Variants in LRRC4C observed in about 807,000 individuals in gnomAD.
LRRC4C encodes leucine rich repeat containing 4C, also known as leucine-rich repeat-containing protein 4C.
In LRRC4C, 5 loss-of-function variants were observed where a neutral mutation model predicts 33.6. The observed-to-expected ratio is 0.15, with a 90% CI of 0.08 to 0.31. The LOEUF (loss-of-function observed/expected upper bound fraction) is 0.31, where lower values mean the gene tolerates loss of function less well. Ranked by LOEUF, LRRC4C falls within the 10% of genes least tolerant of loss-of-function variation. The probability of loss-of-function intolerance (pLI) is 1.00; values close to 1 mark genes in which losing one functional copy is unlikely to be tolerated. For missense variants in LRRC4C, 560 were observed against 796.7 expected, an observed-to-expected ratio of 0.70 and a Z score of 3.58; for synonymous variants, 329 against 302.0, an observed-to-expected ratio of 1.09 and a Z score of -0.93.
intron 1 of LRRC4C, among the ~76,000 whole-genome samples, chr11:41,456,447 C>T (rs1302797239): frequency 1.3e-5 from 2 of 151,916 alleles, no homozygotes; most frequent in Non-Finnish European, 2.9e-5. Context: ...AGGGAAAGAG[C>T]TATTCATGTG....
chr11:40,179,653 G>A (rs995818802), intron 5 of LRRC4C, among the ~76,000 whole-genome samples: 2 of 152,112 alleles, frequency 1.3e-5, no homozygotes, highest in Non-Finnish European at 2.9e-5. Flanking sequence ...CAGGACCCCC[G>A]CATCCAGCAC....
intron 4 of LRRC4C, chr11:40,294,141 T>C (rs1161617905): frequency 6.6e-6 from 1 of 152,442 alleles, no homozygotes; most frequent in Non-Finnish European, 1.5e-5. Flanking sequence ...CTTTCTCTGC[T>C]TGTGATCAGT....
chr11:40,410,618 T>C (rs1950123841), intron 3 of LRRC4C, among the ~76,000 whole-genome samples: 1 of 152,074 alleles, frequency 6.6e-6, no homozygotes, highest in African/African-American at 2.4e-5. Flanking sequence ...CAGGGGTGGT[T>C]TGCTGGGTTG....
At chr11:41,026,856 C>G (rs1353484011) in intron 1 of LRRC4C, among the ~76,000 whole-genome samples, 1 of 151,568 alleles carries the variant, frequency 6.6e-6, no homozygotes, top group Non-Finnish European at 1.5e-5. Flanking sequence ...TGTTACTGCA[C>G]ACTTAACAGA....
intron 5 of LRRC4C, among the ~76,000 whole-genome samples, chr11:40,159,088 C>T (rs1271839869): frequency 1.3e-5 from 2 of 152,048 alleles, no homozygotes; most frequent in African/African-American, 2.4e-5. Flanking sequence ...CACATTTCTA[C>T]GTATAGGGAA....
At position 41,259,819 on chromosome 11, in the gene LRRC4C, G is replaced by GT. The variant is rs369287702; in HGVS notation, c.-496+199611dup. Among the ~76,000 whole-genome samples the GT allele has an allele frequency of 5.0e-4, 76 of 151,112 alleles. No individual in the cohort carries two copies. In the East Asian group the frequency reaches 6.0e-3, roughly 12 times the overall value. The stretch of plus-strand genomic sequence containing the variant: ...GTGTAGTAAGATAATTTCTTTGGTG[G>GT]TTTTTTTTTAAAAATCAAATAAGAT... On this transcript the variant is annotated intron_variant, in intron 1 of 6. Coordinates refer to ENST00000528697, the MANE Select transcript of LRRC4C (RefSeq NM_001258419.2).
Position 40,114,914 on chromosome 11 carries a change from T to G in LRRC4C, c.1379A>C (p.Glu460Ala). ...PFSYFSTVTVETMEPSQDEAR... is the reference protein window; with the variant it reads ...PFSYFSTVTVATMEPSQDEAR... Reference sequence around the variant, plus strand: ...CTCATCCTGAGACGGTTCCATAGTCTCTACTGTGACGGTTGAAAAGTAAGA... The same window carrying G: ...CTCATCCTGAGACGGTTCCATAGTCGCTACTGTGACGGTTGAAAAGTAAGA... Residue 460 changes from glutamate (E) to alanine (A), a missense_variant, in exon 7 of 7, where the codon GAG becomes GCG. By Grantham distance (107) the Glu-to-Ala change is moderately radical. Transcript: ENST00000528697. 6.2e-7 allele frequency: 1 copy of G among 1,614,204 alleles called. No individual in the cohort carries two copies. Among genetic ancestry groups the G allele is most frequent in the Non-Finnish European group, 8.5e-7 (1 of 1,180,036 alleles).
In LRRC4C at chr11:41,166,120, T is replaced by C. The variant is rs546257727; in HGVS notation, c.-495-232397A>G. Among the ~76,000 whole-genome samples, 8 of 151,868 alleles carry C rather than the reference T, an allele frequency of 5.3e-5. No individual in the cohort carries two copies. The East Asian group carries it at 1.6e-3, about 29-fold the overall frequency. The stretch of plus-strand genomic sequence containing the variant: ...AAATGCTATATGGGTTTTAAATCTG[T>C]ATTTATGTCAAAAAAAAAAGCATAA... On this transcript the variant is annotated intron_variant, in intron 1 of 6. Coordinates refer to ENST00000528697, the MANE Select transcript of LRRC4C (RefSeq NM_001258419.2).
chr11:40,585,475 TC>T (rs1565530090), intron 3 of LRRC4C, among the ~76,000 whole-genome samples: 1 of 135,344 alleles, frequency 7.4e-6, no homozygotes, highest in African/African-American at 2.8e-5. Flanking sequence ...ATTTGTTATT[TC>T]TTTTTTTTTT....
intron 5 of LRRC4C, among the ~76,000 whole-genome samples, chr11:40,218,477 G>C (rs1451533716): frequency 6.6e-6 from 1 of 152,096 alleles, no homozygotes; most frequent in Non-Finnish European, 1.5e-5. Context: ...ATAAGAATAT[G>C]TTTCTGTAAA....
At chr11:40,608,255 GA>G (rs957836449) in intron 3 of LRRC4C, among the ~76,000 whole-genome samples, 30 of 152,158 alleles carry the variant, frequency 2.0e-4, no homozygotes, top group Non-Finnish European at 3.1e-4. Flanking sequence ...ATTGTGGGGG[GA>G]AAGTAAAAGT....
At position 40,946,756 on chromosome 11, in the gene LRRC4C, AC is replaced by A. The variant is rs533339051; in HGVS notation, c.-495-13034del. On this transcript the variant is annotated intron_variant, in intron 1 of 6. Coordinates refer to ENST00000528697, the MANE Select transcript of LRRC4C (RefSeq NM_001258419.2). ...ATTATGGACTTACATTTGACACTTG[AC>A]CAATTAAAACTAATAGACATCTAAC... 4.0e-3 allele frequency among the ~76,000 whole-genome samples: 607 copies of A among 152,292 alleles called. 4 individuals carry two copies. Among genetic ancestry groups the A allele is most frequent in the African/African-American group, 0.014 (576 of 41,554 alleles).
intron 2 of LRRC4C, among the ~76,000 whole-genome samples, chr11:40,795,501 G>A (rs557606442): frequency 1.3e-5 from 2 of 152,276 alleles, no homozygotes; most frequent in South Asian, 4.1e-4. Flanking sequence ...CTGCACTCCA[G>A]CCTGGGCGAC....
intron 1 of LRRC4C, among the ~76,000 whole-genome samples, chr11:41,085,427 G>A (rs901239009): frequency 2.0e-5 from 3 of 152,162 alleles, no homozygotes; most frequent in Admixed American, 6.5e-5. Context: ...TGTTAATAGT[G>A]AGAGTTAATA....
In LRRC4C at chr11:40,204,874, G is replaced by C. The variant is rs528419959; in HGVS notation, c.-96+36645C>G. Among the ~76,000 whole-genome samples, 3 of 152,242 alleles carry C rather than the reference G, an allele frequency of 2.0e-5. No individual in the cohort carries two copies. The South Asian group carries it at 6.2e-4, about 32-fold the overall frequency. On this transcript the variant is annotated intron_variant, in intron 5 of 6. Coordinates refer to ENST00000528697, the MANE Select transcript of LRRC4C (RefSeq NM_001258419.2). The stretch of plus-strand genomic sequence containing the variant: ...CAATTTTCGCTGCTGATACTTAAAG[G>C]TTTCTGGACATGAGCAGGGGTCCCA...
At chr11:40,603,728 G>A (rs1960265371) in intron 3 of LRRC4C, among the ~76,000 whole-genome samples, 1 of 152,132 alleles carries the variant, frequency 6.6e-6, no homozygotes, top group South Asian at 2.1e-4. Context: ...GCCTTACTAA[G>A]AGCCAATTTA....
At chr11:40,290,711 A>AT (rs756043107) in intron 4 of LRRC4C, among the ~76,000 whole-genome samples, 429 of 151,464 alleles carry the variant, frequency 2.8e-3, no homozygotes, top group Non-Finnish European at 4.5e-3. Context: ...TGTCGATCTT[A>AT]TTTTTTTTTA....
chr11:40,341,688 A>G (rs1268519224), intron 3 of LRRC4C, among the ~76,000 whole-genome samples: 1 of 152,170 alleles, frequency 6.6e-6, no homozygotes, highest in African/African-American at 2.4e-5. Flanking sequence ...AAAGTATAAT[A>G]AAAAAACTTT....
intron 2 of LRRC4C, among the ~76,000 whole-genome samples, chr11:40,678,327 A>T (rs1944513518): frequency 6.6e-6 from 1 of 152,020 alleles, no homozygotes; most frequent in Non-Finnish European, 1.5e-5. Flanking sequence ...CCCAGTGTCC[A>T]TTTAATCCAT....
Sources: allele counts gnomAD v4.1 joint callset (sites outside exome capture counted in the v4.1 genomes callset), GRCh38; gene constraint gnomAD v4.1.1; transcripts MANE v1.5; gene names NCBI Gene and HGNC (gene_info 2026-07-23, HGNC 2026-07-21).